The following TOR1AIP2 variants were observed in gnomAD, a reference collection of about 807,000 sequenced individuals.
The protein encoded by TOR1AIP2 is torsin 1A interacting protein 2.
Under a neutral mutation model 32.6 loss-of-function variants are expected in TOR1AIP2, and 20 were observed. The ratio of observed to expected loss-of-function variants is 0.61; its 90% CI spans 0.43 to 0.89. The LOEUF is 0.89. Ranked by LOEUF, TOR1AIP2 falls within the 40% of genes least tolerant of loss-of-function variation. The pLI, the probability that TOR1AIP2 is intolerant of heterozygous loss-of-function variation, is 0.00. For missense variants in TOR1AIP2, 456 were observed against 553.8 expected, an observed-to-expected ratio of 0.82 and a Z score of 1.77; for synonymous variants, 214 against 210.8, an observed-to-expected ratio of 1.02 and a Z score of -0.13.
At chr1:179,875,831 A>G (rs933282013) in intron 2 of TOR1AIP2, 6 of 152,190 alleles carry the variant, frequency 3.9e-5, no homozygotes, top group East Asian at 1.9e-4. Flanking sequence ...CTCATTACCA[A>G]TGTTAGGGAC....
chr1:179,856,775 A>G (rs1266364881), intron 3 of TOR1AIP2, among the ~76,000 whole-genome samples: 1 of 152,148 alleles, frequency 6.6e-6, no homozygotes, highest in Non-Finnish European at 1.5e-5. Flanking sequence ...CACCGTGCCC[A>G]GCTAATTTTT....
At chr1:179,862,413 A>C (rs1696578728) in intron 3 of TOR1AIP2, 1 of 985,108 alleles carries the variant, frequency 1.0e-6, no homozygotes, top group African/African-American at 1.7e-5. Context: ...TTAAAGAGTT[A>C]GTGATAAACT....
rs774978048 is a variant in TOR1AIP2, at chr1:179,865,782, A to G, written c.-493T>C. 6.5e-6 allele frequency: 1 copy of G among 152,766 alleles called. No homozygotes were observed. The highest frequency in any genetic ancestry group is 2.4e-5 in the African/African-American group (1 of 41,474). 9.5% of individuals were successfully genotyped at this position (152,766 alleles called of 1,614,324 possible). On this transcript the variant is annotated 5_prime_UTR_variant, in exon 3 of 7. An upstream start codon of the reference 5' UTR is lost. Transcript: ENST00000609928. ...CCAATGAAGTCTGTCTTGGGAGGAC[A>G]TTAATCAGGACCCAATTGCTGTGAA...
intron 5 of TOR1AIP2, 106 bp downstream of exon 5, chr1:179,850,739 A>G (rs771014804): frequency 2.8e-4 from 401 of 1,412,364 alleles, no homozygotes; most frequent in Non-Finnish European, 3.6e-4. Flanking sequence ...CCTTACTCCT[A>G]TGAAAGATGA....
Position 179,842,301 on chromosome 1 carries a change from T to C in TOR1AIP2, c.*3770A>G, listed in dbSNP as rs929546034. The C allele has an allele frequency of 1.3e-5, 2 of 152,224 alleles. No homozygotes were observed. The highest frequency in any genetic ancestry group is 6.5e-5 in the Admixed American group (1 of 15,284). The allele number at this position is 152,224 out of a possible 1,614,324, so 9.4% of individuals were successfully genotyped here. On this transcript the variant is annotated 3_prime_UTR_variant, in exon 7 of 7. Coordinates refer to ENST00000609928, the MANE Select transcript of TOR1AIP2 (RefSeq NM_001199260.2). ...AGAGAATGGTGGGTTACCAGCATGC[T>C]GAGCCTTATTAACCACCATACACTT...
intron 5 of TOR1AIP2, among the ~76,000 whole-genome samples, chr1:179,848,912 C>G (rs1176830787): frequency 3.3e-5 from 5 of 151,918 alleles, no homozygotes; most frequent in Non-Finnish European, 7.4e-5. Context: ...GGGCGGATCA[C>G]AAGGTCAGGA....
In TOR1AIP2 at chr1:179,844,744, A is replaced by G. The variant is rs996038379; in HGVS notation, c.*1327T>C. 21 of 152,194 alleles carry G rather than the reference A, an allele frequency of 1.4e-4. No individual in the cohort carries two copies. Among genetic ancestry groups the G allele is most frequent in the African/African-American group, 4.3e-4 (18 of 41,446 alleles). The allele number at this position is 152,194 out of a possible 1,614,324, so 9.4% of individuals were successfully genotyped here. Reference sequence around the variant, plus strand: ...TAATTTTTAACCTAATGGTACTTCTATAACTAGTTGGTCAAGAAATGAGCT... The same window carrying G: ...TAATTTTTAACCTAATGGTACTTCTGTAACTAGTTGGTCAAGAAATGAGCT... On this transcript the variant is annotated 3_prime_UTR_variant, in exon 7 of 7. Transcript: ENST00000609928.
intron 2 of TOR1AIP2, chr1:179,875,311 A>AT (rs1157380270): frequency 3.3e-5 from 5 of 152,234 alleles, no homozygotes; most frequent in African/African-American, 1.2e-4. Context: ...CCCCTGGCTA[A>AT]TTTTTTCCTT....
rs572259962 is a variant in TOR1AIP2 at position 179,847,530 on chromosome 1, C to T, written c.655+5G>A. 6.2e-7 allele frequency: 1 copy of T among 1,603,834 alleles called. No individual in the cohort carries two copies. Among genetic ancestry groups the T allele is most frequent in the East Asian group, 2.2e-5 (1 of 44,796 alleles). On this transcript the variant is annotated splice_donor_5th_base_variant and intron_variant, in intron 6 of 6. Transcript: ENST00000609928. ...ACACTGCAGTAAAACCAGGTTTGTT[C>T]TCACCATAGCTCCAAAAACCCTTTT...
chr1:179,865,277 C>T, intron 3 of TOR1AIP2, 159 bp downstream of exon 3: 1 of 1,425,056 alleles, frequency 7.0e-7, no homozygotes, highest in Non-Finnish European at 9.4e-7. Context: ...TTTCGTTTAC[C>T]AATTTCTTAG....
chr1:179,865,193 AAC>A (rs752128349), intron 3 of TOR1AIP2: 2 of 1,576,206 alleles, frequency 1.3e-6, no homozygotes, highest in East Asian at 2.2e-5. Flanking sequence ...CTAGAAAGAC[AAC>A]ACAGACAGCA....
At position 179,851,128 on chromosome 1, in the gene TOR1AIP2, G is replaced by C. The variant is rs1451933604; in HGVS notation, c.270C>G (p.Asn90Lys). Residue 90 changes from asparagine (N) to lysine (K), a missense_variant, in exon 5 of 7, where the codon AAC (asparagine) becomes AAG (lysine). By Grantham distance (94) the Asn-to-Lys change is moderately conservative (BLOSUM62 0). Transcript: ENST00000609928. ...TTCCGCCATCCAGAAAACTCTGCTTGTTCTCATCTTCTGTTTTATCCTTTG... is the reference window on the plus strand; with the variant it reads ...TTCCGCCATCCAGAAAACTCTGCTTCTTCTCATCTTCTGTTTTATCCTTTG... ...KHPKDKTEDE[N>K]KQSFLDGGKG... is the part of the protein sequence containing the mutation. The C allele has an allele frequency of 1.2e-5, 20 of 1,614,138 alleles. No individual in the cohort carries two copies. The highest frequency in any genetic ancestry group is 1.7e-5 in the Non-Finnish European group (20 of 1,180,036).
intron 3 of TOR1AIP2, among the ~76,000 whole-genome samples, chr1:179,853,432 C>T (rs918896218): frequency 5.9e-5 from 9 of 152,054 alleles, no homozygotes; most frequent in African/African-American, 2.2e-4. Context: ...AAGGTTTACA[C>T]AAAAGGAATC....
At position 179,843,879 on chromosome 1, in the gene TOR1AIP2, C is replaced by CTCAATTGA. The variant is rs1358740086; in HGVS notation, c.*2184_*2191dup. 6.6e-6 allele frequency: 1 copy of CTCAATTGA among 150,850 alleles called. No individual in the cohort carries two copies. The highest frequency in any genetic ancestry group is 1.5e-5 in the Non-Finnish European group (1 of 67,886). The allele number at this position is 150,850 out of a possible 1,614,324, so 9.3% of individuals were successfully genotyped here. On this transcript the variant is annotated 3_prime_UTR_variant, in exon 7 of 7. Transcript: ENST00000609928. ...TAGCAGACAGAAAACTGACAACACC[C>CTCAATTGA]TCAATTGATTGCACTATACATGGAA...
At chr1:179,862,188 TAAAACA>T in intron 3 of TOR1AIP2, 2 of 984,250 alleles carry the variant, frequency 2.0e-6, no homozygotes, top group Non-Finnish European at 2.4e-6. Flanking sequence ...AGATATTGAC[TAAAACA>T]AAAACAAAAA....
intron 5 of TOR1AIP2, among the ~76,000 whole-genome samples, chr1:179,848,047 A>AC (rs1284493188): frequency 2.0e-5 from 3 of 152,050 alleles, no homozygotes; most frequent in East Asian, 1.9e-4. Flanking sequence ...AAAAAAAAAA[A>AC]AAAAACCAAA....
At chr1:179,854,710 A>C (rs1048606602) in intron 3 of TOR1AIP2, among the ~76,000 whole-genome samples, 1 of 152,086 alleles carries the variant, frequency 6.6e-6, no homozygotes, top group Non-Finnish European at 1.5e-5. Flanking sequence ...ATCTCTACTA[A>C]AAATACAAAA....
intron 3 of TOR1AIP2, among the ~76,000 whole-genome samples, chr1:179,856,310 G>T (rs1696299705): frequency 6.6e-6 from 1 of 152,140 alleles, no homozygotes. Flanking sequence ...AGAACTGAAG[G>T]TTTTCAAAAA....
chr1:179,877,087 G>A (rs1365335515), intron 2 of TOR1AIP2, among the ~76,000 whole-genome samples, 152 bp downstream of exon 2: 1 of 151,864 alleles, frequency 6.6e-6, no homozygotes, highest in East Asian at 1.9e-4. Context: ...TACACTAGTA[G>A]GCAAATTTCC....
Sources: allele counts gnomAD v4.1 joint callset (sites outside exome capture counted in the v4.1 genomes callset), GRCh38; gene constraint gnomAD v4.1.1; transcripts MANE v1.5; gene names NCBI Gene and HGNC (gene_info 2026-07-23, HGNC 2026-07-21).